CMTM4: variants seen among roughly 807,000 people sequenced by gnomAD.
CMTM4 encodes the protein CKLF-like MARVEL transmembrane domain-containing protein 4.
Under a neutral mutation model 19.0 loss-of-function variants are expected in CMTM4, and 8 were observed. That is an observed-to-expected ratio of 0.42 (90% confidence interval 0.25 to 0.76). CMTM4 has a LOEUF of 0.76. Ranked by LOEUF, CMTM4 falls within the 30% of genes least tolerant of loss-of-function variation. The pLI, the probability that CMTM4 is intolerant of heterozygous loss-of-function variation, is 0.27. For synonymous variants in CMTM4, 106 were observed against 121.1 expected, an observed-to-expected ratio of 0.88 and a Z score of 0.82; for missense variants, 228 against 290.2, an observed-to-expected ratio of 0.79 and a Z score of 1.56.
At chr16:66,612,656 G>A, downstream of CMTM4, 2 of 1,612,978 alleles carry the variant, frequency 1.2e-6, no homozygotes, top group Non-Finnish European at 1.7e-6. This position sits in a 1 kb window ranked among gnomAD's most constrained non-coding sequence, Gnocchi z 6.0. Context: ...CGGGTGCCTT[G>A]GCAACCTGAG....
chr16:66,675,025 G>A (rs2016783434), intron 1 of CMTM4, among the ~76,000 whole-genome samples: 1 of 151,076 alleles, frequency 6.6e-6, no homozygotes, highest in Non-Finnish European at 1.5e-5. Context: ...TTACAGGCGT[G>A]AGCCACCGCA....
intron 2 of CMTM4, among the ~76,000 whole-genome samples, chr16:66,635,089 TGA>T (rs2015965409): frequency 6.6e-6 from 1 of 152,214 alleles, no homozygotes; most frequent in Non-Finnish European, 1.5e-5. Flanking sequence ...ATCCATAGTA[TGA>T]GCATTTTAAC....
Position 66,696,329 on chromosome 16 carries a change from C to G in CMTM4, c.186+11G>C, listed in dbSNP as rs1209707047. The G allele has an allele frequency of 2.9e-6, 4 of 1,379,812 alleles. No individual in the cohort carries two copies. The highest frequency in any genetic ancestry group is 3.7e-6 in the Non-Finnish European group (4 of 1,067,450). 85.5% of individuals were successfully genotyped at this position (1,379,812 alleles called of 1,614,324 possible). On this transcript the variant is annotated intron_variant, in intron 1 of 3. Transcript: ENST00000394106. The surrounding 1 kb of genome is among the most constrained non-coding windows in gnomAD (Gnocchi z 4.3). Reference sequence around the variant, plus strand: ...CGCCCTCGGGCACCTGGGGCCCCGCCCGGCACCTACCACTTGGGCGACCTT... The same window carrying G: ...CGCCCTCGGGCACCTGGGGCCCCGCGCGGCACCTACCACTTGGGCGACCTT...
intron 1 of CMTM4, among the ~76,000 whole-genome samples, chr16:66,690,905 G>A (rs901752072): frequency 5.3e-5 from 8 of 151,992 alleles, no homozygotes; most frequent in Non-Finnish European, 8.8e-5. Flanking sequence ...TCAGGAGTTC[G>A]AGATTAGCCT....
chr16:66,655,549 A>G (rs1459405506), intron 1 of CMTM4, among the ~76,000 whole-genome samples: 5 of 149,316 alleles, frequency 3.3e-5, no homozygotes, highest in East Asian at 2.0e-4. Context: ...GTGTGTGTTT[A>G]TTTATGTGTG....
the CMTM4 span, among the ~76,000 whole-genome samples, chr16:66,602,168 G>A: frequency 2.9e-3 from 448 of 152,344 alleles, 3 homozygotes; most frequent in African/African-American, 0.01. Context: ...AGGCCGAGGC[G>A]GGAAGATTGT....
the CMTM4 span, chr16:66,608,543 C>T: frequency 4.2e-6 from 6 of 1,439,956 alleles, no homozygotes; most frequent in Non-Finnish European, 4.8e-6. The surrounding 1 kb of genome is among the most constrained non-coding windows in gnomAD (Gnocchi z 5.1). Context: ...TGCACTTGGG[C>T]CCTTATCCTT....
At chr16:66,683,172 TATAC>T (rs1194264251) in intron 1 of CMTM4, among the ~76,000 whole-genome samples, 16 of 83,258 alleles carry the variant, frequency 1.9e-4, no homozygotes, top group African/African-American at 4.6e-4. Context: ...TATATATATA[TATAC>T]ATATGTATAT....
chr16:66,651,453 G>A (rs1034672017), intron 1 of CMTM4, among the ~76,000 whole-genome samples: 1 of 152,128 alleles, frequency 6.6e-6, no homozygotes, highest in Non-Finnish European at 1.5e-5. Flanking sequence ...GAAGCTACAG[G>A]GCTCTGCACC....
At chr16:66,610,934 T>A (rs907367262), downstream of CMTM4, 4 of 398,466 alleles carry the variant, frequency 1.0e-5, no homozygotes, top group African/African-American at 8.2e-5. The surrounding 1 kb of genome is among the most constrained non-coding windows in gnomAD (Gnocchi z 4.6). Flanking sequence ...ATCCCGTCCC[T>A]TGGCAAATAT....
At chr16:66,600,136 G>GGTT in the CMTM4 span, among the ~76,000 whole-genome samples, 417 of 135,100 alleles carry the variant, frequency 3.1e-3, 17 homozygotes, top group South Asian at 0.011. Flanking sequence ...GTGTGTGTGT[G>GGTT]TTTTTTTTTG....
At chr16:66,649,464 A>ATCTATCTG (rs2016270527) in intron 1 of CMTM4, among the ~76,000 whole-genome samples, 1 of 138,510 alleles carries the variant, frequency 7.2e-6, no homozygotes, top group African/African-American at 2.8e-5. Flanking sequence ...CTATCCATCT[A>ATCTATCTG]TCTATCTATC....
intron 1 of CMTM4, among the ~76,000 whole-genome samples, chr16:66,680,773 C>CAAAA (rs35127974): frequency 9.3e-5 from 3 of 32,252 alleles, no homozygotes; most frequent in African/African-American, 1.3e-4. Flanking sequence ...GACTCCGTCT[C>CAAAA]AAAAAAAAAA....
intron 1 of CMTM4, among the ~76,000 whole-genome samples, chr16:66,642,420 A>G (rs1021932484): frequency 1.3e-5 from 2 of 152,128 alleles, no homozygotes; most frequent in Non-Finnish European, 2.9e-5. Flanking sequence ...TTAATATTTG[A>G]TAAGTAAACT....
chr16:66,629,933 T>C (rs979627696), intron 2 of CMTM4, among the ~76,000 whole-genome samples: 1 of 152,180 alleles, frequency 6.6e-6, no homozygotes, highest in Non-Finnish European at 1.5e-5. Flanking sequence ...ATCTCTCCCA[T>C]GTGGCTGTTC....
At chr16:66,661,933 A>G (rs1342007174) in intron 1 of CMTM4, among the ~76,000 whole-genome samples, 1 of 152,110 alleles carries the variant, frequency 6.6e-6, no homozygotes, top group African/African-American at 2.4e-5. Flanking sequence ...ACTCTGTCTC[A>G]AAAAAATAAA....
intron 2 of CMTM4, among the ~76,000 whole-genome samples, chr16:66,625,809 T>C (rs2015727079): frequency 6.6e-6 from 1 of 152,204 alleles, no homozygotes; most frequent in Non-Finnish European, 1.5e-5. Context: ...TGCTGTCCAA[T>C]AGGGCAAACA....
intron 1 of CMTM4, among the ~76,000 whole-genome samples, chr16:66,639,331 G>T (rs2016057832): frequency 6.6e-6 from 1 of 152,150 alleles, no homozygotes; most frequent in Non-Finnish European, 1.5e-5. Context: ...ATTTGTGTGG[G>T]AAGGTAACAC....
In CMTM4 at chr16:66,622,035, G is replaced by A. The variant is rs1038115398; in HGVS notation, c.*23C>T. On this transcript the variant is annotated 3_prime_UTR_variant, in exon 4 of 4. Coordinates refer to ENST00000394106, the MANE Select transcript of CMTM4 (RefSeq NM_181521.3). This position sits in a 1 kb window ranked among gnomAD's most constrained non-coding sequence, Gnocchi z 4.0. ...CTGAGAGACAGGCACGAGGACGGGAGGGAGGAGGATCCAGGCAGGTCCTCA... is the reference window on the plus strand; with the variant it reads ...CTGAGAGACAGGCACGAGGACGGGAAGGAGGAGGATCCAGGCAGGTCCTCA... The A allele has an allele frequency of 6.5e-7, 1 of 1,550,190 alleles. No individual in the cohort carries two copies. Among genetic ancestry groups the A allele is most frequent in the Non-Finnish European group, 8.7e-7 (1 of 1,143,628 alleles).
Sources: gnomAD v4.1 joint callset for allele counts (sites outside exome capture counted in the v4.1 genomes callset) on GRCh38, gnomAD v4.1.1 for gene constraint, Gnocchi (gnomAD v3.1) non-coding constraint, MANE v1.5 for transcripts, NCBI Gene and HGNC (gene_info 2026-07-23, HGNC 2026-07-21) for gene names.